TMEM117: variants seen among roughly 807,000 people sequenced by gnomAD.
The protein encoded by TMEM117 is transmembrane protein 117.
TMEM117 carries 27 observed loss-of-function variants against 52.4 expected under a neutral mutation model. The observed-to-expected ratio is 0.51, with a 90% CI of 0.38 to 0.71. The LOEUF (loss-of-function observed/expected upper bound fraction) is 0.71, where lower values mean the gene tolerates loss of function less well. Among genes scored for constraint, TMEM117 ranks in the 30% least tolerant of loss-of-function variants. The probability of loss-of-function intolerance (pLI) is 0.00; values close to 1 mark genes in which losing one functional copy is unlikely to be tolerated. For missense variants in TMEM117, 556 were observed against 630.5 expected, an observed-to-expected ratio of 0.88 and a Z score of 1.26; for synonymous variants, 215 against 206.3, an observed-to-expected ratio of 1.04 and a Z score of -0.36.
At chr12:44,338,281 ATGTC>A (rs1462042568) in intron 6 of TMEM117, among the ~76,000 whole-genome samples, 1 of 152,102 alleles carries the variant, frequency 6.6e-6, no homozygotes, top group Non-Finnish European at 1.5e-5. Flanking sequence ...AAATAAATCT[ATGTC>A]AGTCTATAAA....
At chr12:43,820,823 C>T in the TMEM117 span, among the ~76,000 whole-genome samples, 3 of 151,678 alleles carry the variant, frequency 2.0e-5, no homozygotes, top group Non-Finnish European at 2.9e-5. Context: ...ATAAAGTGGC[C>T]GGGCGCGTTG....
chr12:44,239,659 C>T (rs1950038652), intron 5 of TMEM117, among the ~76,000 whole-genome samples: 1 of 152,032 alleles, frequency 6.6e-6, no homozygotes, highest in Non-Finnish European at 1.5e-5. Flanking sequence ...GAAATTAGGA[C>T]ATTTGATGCT....
chr12:43,891,229 T>C (rs1944097109), intron 2 of TMEM117, among the ~76,000 whole-genome samples: 1 of 152,172 alleles, frequency 6.6e-6, no homozygotes, highest in Non-Finnish European at 1.5e-5. Flanking sequence ...TAGGTATTCT[T>C]CAAGGTGCAT....
rs144860517 is a variant in TMEM117, at chr12:44,019,632, A to G, written c.410+75290A>G. ...AGTTTTATGTAATGTTATTTCATAA[A>G]TGTAATTTCTGATTAATTTTCATTT... On this transcript the variant is annotated intron_variant, in intron 3 of 7. Transcript: ENST00000266534. Among the ~76,000 whole-genome samples the G allele has an allele frequency of 1.1e-3, 162 of 152,350 alleles. 2 individuals carry two copies. The highest frequency in any genetic ancestry group is 9.5e-3 in the Admixed American group (146 of 15,288).
intron 2 of TMEM117, among the ~76,000 whole-genome samples, chr12:43,907,430 G>T (rs2137521811): frequency 6.6e-6 from 1 of 151,236 alleles, no homozygotes; most frequent in African/African-American, 2.4e-5. Flanking sequence ...ACTCTAAAAA[G>T]CGGAGCGCCT....
At chr12:44,051,512 T>C (rs1230819577) in intron 3 of TMEM117, among the ~76,000 whole-genome samples, 1 of 152,148 alleles carries the variant, frequency 6.6e-6, no homozygotes, top group Non-Finnish European at 1.5e-5. Context: ...AAGACTAATG[T>C]TGTAAGGGAA....
At chr12:43,949,311 T>G (rs535530140) in intron 3 of TMEM117, among the ~76,000 whole-genome samples, 1 of 152,280 alleles carries the variant, frequency 6.6e-6, no homozygotes, top group South Asian at 2.1e-4. Flanking sequence ...TGACTTGGGT[T>G]TTTATACATT....
At chr12:43,942,572 G>T (rs10880598) in intron 2 of TMEM117, among the ~76,000 whole-genome samples, 26,242 of 151,278 alleles carry the variant, frequency 0.17, 3,468 homozygotes, top group African/African-American at 0.36. Flanking sequence ...GCTTCTCTTG[G>T]ATAGGCCAAG....
intron 5 of TMEM117, among the ~76,000 whole-genome samples, chr12:44,249,230 A>G (rs748800718): frequency 1.3e-5 from 2 of 152,074 alleles, no homozygotes; most frequent in Admixed American, 6.6e-5. Context: ...ATTCAAATGT[A>G]TGTGGTATAC....
intron 4 of TMEM117, among the ~76,000 whole-genome samples, chr12:44,208,656 A>G (rs1949603136): frequency 6.6e-6 from 1 of 151,496 alleles, no homozygotes; most frequent in Non-Finnish European, 1.5e-5. Flanking sequence ...TGATCTGATA[A>G]TATGACTTAA....
At chr12:44,151,456 T>C (rs1043546587) in intron 4 of TMEM117, among the ~76,000 whole-genome samples, 2 of 151,508 alleles carry the variant, frequency 1.3e-5, no homozygotes, top group African/African-American at 4.9e-5. Context: ...TGTGCTGCAC[T>C]CATTAACTTG....
intron 5 of TMEM117, among the ~76,000 whole-genome samples, chr12:44,253,518 T>C (rs1424113196): frequency 6.6e-6 from 1 of 152,148 alleles, no homozygotes; most frequent in Non-Finnish European, 1.5e-5. Context: ...GCAGAGATGC[T>C]GAATTTCAGT....
chr12:44,305,004 T>C (rs1950887092), intron 6 of TMEM117, among the ~76,000 whole-genome samples: 1 of 152,034 alleles, frequency 6.6e-6, no homozygotes, highest in Non-Finnish European at 1.5e-5. Flanking sequence ...GAGCACAGAG[T>C]TGGCTCCTGA....
intron 2 of TMEM117, among the ~76,000 whole-genome samples, chr12:43,884,493 A>G (rs959160368): frequency 2.0e-5 from 3 of 152,144 alleles, no homozygotes; most frequent in African/African-American, 7.2e-5. Context: ...TGCTTGTTTC[A>G]TGGCCTCCAG....
chr12:43,912,195 T>G (rs966585083), intron 2 of TMEM117, among the ~76,000 whole-genome samples: 1 of 148,440 alleles, frequency 6.7e-6, no homozygotes, highest in African/African-American at 2.5e-5. Flanking sequence ...ATGTCCTTTG[T>G]AGGGACATGG....
At chr12:44,260,166 C>T (rs1950305042) in intron 5 of TMEM117, among the ~76,000 whole-genome samples, 1 of 152,142 alleles carries the variant, frequency 6.6e-6, no homozygotes. Context: ...CCACTAAGGC[C>T]ATTATTGCCA....
intron 2 of TMEM117, among the ~76,000 whole-genome samples, chr12:43,927,091 A>G (rs576126730): frequency 7.2e-5 from 11 of 152,192 alleles, no homozygotes; most frequent in Non-Finnish European, 1.5e-4. Flanking sequence ...GTTGCATTCC[A>G]AAAGTTTGAA....
At chr12:44,135,864 T>G (rs2138181602) in intron 3 of TMEM117, among the ~76,000 whole-genome samples, 1 of 152,332 alleles carries the variant, frequency 6.6e-6, no homozygotes, top group South Asian at 2.1e-4. Context: ...CCATGAACAC[T>G]TGCCTCCACT....
chr12:44,377,448 T>A (rs1951957982), intron 7 of TMEM117, among the ~76,000 whole-genome samples: 3 of 152,194 alleles, frequency 2.0e-5, no homozygotes, highest in African/African-American at 7.2e-5. Context: ...TTGTCTTAAG[T>A]GATTCTCTTG....
Sources: gnomAD v4.1 joint callset for allele counts (sites outside exome capture counted in the v4.1 genomes callset) on GRCh38, gnomAD v4.1.1 for gene constraint, MANE v1.5 for transcripts, NCBI Gene and HGNC (gene_info 2026-07-23, HGNC 2026-07-21) for gene names.